Variants in SACM1L observed in about 807,000 individuals in gnomAD.
SACM1L encodes the protein phosphatidylinositol-3-phosphatase SAC1.
Under a neutral mutation model 89.5 loss-of-function variants are expected in SACM1L, and 32 were observed. The ratio of observed to expected loss-of-function variants is 0.36; its 90% confidence interval spans 0.27 to 0.48. The LOEUF (loss-of-function observed/expected upper bound fraction) is 0.48. SACM1L is among the 20% of genes least tolerant of loss of function. The pLI is 0.99. For synonymous variants in SACM1L, 213 were observed against 232.8 expected, an observed-to-expected ratio of 0.92 and a Z score of 0.77; for missense variants, 543 against 708.5, an observed-to-expected ratio of 0.77 and a Z score of 2.65.
At chr3:45,735,074 G>T in intron 13 of SACM1L, 161 bp from the exon 14 acceptor site, 2 of 594,484 alleles carry the variant, frequency 3.4e-6, no homozygotes, top group Non-Finnish European at 5.3e-6. Flanking sequence ...ACTTCTTTTT[G>T]GTCTAGGATA....
chr3:45,732,197 A>G (rs752462434), intron 13 of SACM1L, 46 bp downstream of exon 13: 6 of 1,096,914 alleles, frequency 5.5e-6, no homozygotes, highest in Middle Eastern at 2.1e-4. Context: ...AGAGGTATAT[A>G]TATCAGTCAT....
intron 5 of SACM1L, among the ~76,000 whole-genome samples, chr3:45,711,542 C>T (rs140565448): frequency 0.023 from 3,558 of 151,888 alleles, 55 homozygotes; most frequent in Non-Finnish European, 0.04. Flanking sequence ...GTGGGAGGTT[C>T]ACTTGAGATA....
At chr3:45,724,302 T>G (rs1183767109) in intron 11 of SACM1L, among the ~76,000 whole-genome samples, 1 of 148,860 alleles carries the variant, frequency 6.7e-6, no homozygotes, top group Non-Finnish European at 1.5e-5. Flanking sequence ...TTTTCTGGTG[T>G]GTGTGTGTGT....
At chr3:45,699,148 T>C (rs1419657368) in intron 1 of SACM1L, among the ~76,000 whole-genome samples, 1 of 152,182 alleles carries the variant, frequency 6.6e-6, no homozygotes, top group African/African-American at 2.4e-5. Context: ...ACAAAGCTTA[T>C]AATAACAGAG....
In SACM1L at chr3:45,738,700, A is replaced by C. The variant is rs142960351; in HGVS notation, c.1476+29A>C. On this transcript the variant is annotated intron_variant, in intron 17 of 19. Transcript: ENST00000389061. ...AGTTTGTATTTGATGCTTTCCTGGCATTACGTGGTTGTATCTTTGCATTGT... is the reference window on the plus strand; with the variant it reads ...AGTTTGTATTTGATGCTTTCCTGGCCTTACGTGGTTGTATCTTTGCATTGT... 1,533 of 1,546,824 alleles carry C rather than the reference A, an allele frequency of 9.9e-4. 13 individuals carry two copies. In the African/African-American group the frequency reaches 0.017, roughly 17 times the overall value.
intron 6 of SACM1L, 112 bp downstream of exon 6, chr3:45,713,308 T>A: frequency 2.6e-6 from 2 of 777,790 alleles, no homozygotes; most frequent in African/African-American, 1.8e-5. Context: ...AATTCTAATT[T>A]AACTGTTTAT....
rs745929953 is a variant in SACM1L, at chr3:45,737,750, C to T, written c.1310-22C>T. Reference sequence around the variant, plus strand: ...TGTTTGTCATCTTAATAATTATCAGCTGTTTTTACTTTTTTCTACAGCCTG... The same window carrying T: ...TGTTTGTCATCTTAATAATTATCAGTTGTTTTTACTTTTTTCTACAGCCTG... On this transcript the variant is annotated intron_variant, in intron 15 of 19. Coordinates refer to ENST00000389061, the MANE Select transcript of SACM1L (RefSeq NM_014016.5). The T allele has an allele frequency of 7.5e-6, 12 of 1,602,780 alleles. No individual in the cohort carries two copies. The East Asian group carries it at 2.7e-4, about 36-fold the overall frequency.
intron 11 of SACM1L, among the ~76,000 whole-genome samples, chr3:45,729,743 C>T (rs2125701614): frequency 2.0e-5 from 3 of 152,182 alleles, no homozygotes; most frequent in Middle Eastern, 6.8e-3. Context: ...TTTTGTCTTT[C>T]AGCTATGTGA....
chr3:45,705,263 A>ACC, intron 3 of SACM1L, 54 bp downstream of exon 3: 3 of 1,052,436 alleles, frequency 2.9e-6, no homozygotes, highest in Non-Finnish European at 4.5e-6. Context: ...AGGTAGTTAA[A>ACC]TTGTTAATAT....
chr3:45,729,435 CTTTCA>C (rs1256763981), intron 11 of SACM1L, among the ~76,000 whole-genome samples: 6 of 152,138 alleles, frequency 3.9e-5, no homozygotes, highest in Admixed American at 6.6e-5. Flanking sequence ...GTGTAGCATC[CTTTCA>C]TTTCAACCTG....
At chr3:45,741,651 C>T (rs1575414830) in intron 19 of SACM1L, among the ~76,000 whole-genome samples, 1 of 151,992 alleles carries the variant, frequency 6.6e-6, no homozygotes, top group African/African-American at 2.4e-5. Context: ...TGTAGACAGT[C>T]GTGACATAGT....
In SACM1L at chr3:45,730,481, A is replaced by T. The variant is rs571406650; in HGVS notation, c.922-820A>T. On this transcript the variant is annotated intron_variant, in intron 11 of 19. Coordinates refer to ENST00000389061, the MANE Select transcript of SACM1L (RefSeq NM_014016.5). ...GTTTCATTGAATTCCAAGAACTGAA[A>T]TAGACAAACTAACAAAAAAAGAAAG... 21 of 152,306 alleles carry T rather than the reference A, an allele frequency of 1.4e-4. No homozygotes were observed. In the Middle Eastern group the frequency reaches 0.014, roughly 99 times the overall value. 9.4% of individuals were successfully genotyped at this position (152,306 alleles called of 1,614,324 possible). A position where few individuals can be genotyped will look rare whatever the true frequency, so the allele number is the denominator to read the frequency against.
At position 45,719,656 on chromosome 3, in the gene SACM1L, G is replaced by T; in HGVS notation, c.679+55G>T. 3 of 979,922 alleles carry T rather than the reference G, an allele frequency of 3.1e-6. No individual in the cohort carries two copies. The South Asian group carries it at 4.6e-5, about 15-fold the overall frequency. 60.7% of individuals were successfully genotyped at this position (979,922 alleles called of 1,614,324 possible). ...TGTAATTAATATTTTGTCTTACGGTGACACGAATGTAACCTTTTGTATTTT... is the reference window on the plus strand; with the variant it reads ...TGTAATTAATATTTTGTCTTACGGTTACACGAATGTAACCTTTTGTATTTT... On this transcript the variant is annotated intron_variant, in intron 8 of 19. Coordinates refer to ENST00000389061, the MANE Select transcript of SACM1L (RefSeq NM_014016.5).
intron 1 of SACM1L, among the ~76,000 whole-genome samples, chr3:45,696,912 C>G (rs577807696): frequency 2.0e-5 from 3 of 152,204 alleles, no homozygotes; most frequent in Non-Finnish European, 4.4e-5. Flanking sequence ...TTTAACAAGA[C>G]TAATTTTTTA....
At chr3:45,725,948 C>G (rs548509988) in intron 11 of SACM1L, among the ~76,000 whole-genome samples, 1 of 151,948 alleles carries the variant, frequency 6.6e-6, no homozygotes, top group Non-Finnish European at 1.5e-5. Flanking sequence ...CTGTATCAAT[C>G]GAGATGCTCG....
chr3:45,712,153 C>T (rs547785823), intron 5 of SACM1L, among the ~76,000 whole-genome samples: 23 of 151,212 alleles, frequency 1.5e-4, no homozygotes, highest in Non-Finnish European at 3.2e-4. Flanking sequence ...AAAGCCATTC[C>T]CTGTGACTTT....
chr3:45,737,043 G>C, intron 14 of SACM1L, among the ~76,000 whole-genome samples: 1 of 152,120 alleles, frequency 6.6e-6, no homozygotes, highest in Non-Finnish European at 1.5e-5. Context: ...GTCTCCAAAG[G>C]GGAGTCTATA....
At chr3:45,719,035 T>C (rs1352170047) in intron 7 of SACM1L, among the ~76,000 whole-genome samples, 1 of 152,212 alleles carries the variant, frequency 6.6e-6, no homozygotes, top group Non-Finnish European at 1.5e-5. Context: ...CTTCATATGC[T>C]TACCAGCTGT....
chr3:45,703,232 A>G (rs1442694607), intron 1 of SACM1L, among the ~76,000 whole-genome samples: 11 of 152,206 alleles, frequency 7.2e-5, no homozygotes, highest in East Asian at 1.9e-4. Context: ...TGATGGTTTC[A>G]TAGCAAATCA....
Sources: allele counts gnomAD v4.1 joint callset (sites outside exome capture counted in the v4.1 genomes callset), GRCh38; gene constraint gnomAD v4.1.1; transcripts MANE v1.5; gene names NCBI Gene and HGNC (gene_info 2026-07-23, HGNC 2026-07-21).